Variants in NLRP14 observed in about 807,000 individuals in gnomAD.
NLRP14 encodes NLR family pyrin domain containing 14, also known as NACHT, LRR and PYD domains-containing protein 14.
In NLRP14, 105 loss-of-function variants were observed where a neutral mutation model predicts 94.7. That is an observed-to-expected ratio of 1.11 (90% CI 0.95 to 1.30). The LOEUF (loss-of-function observed/expected upper bound fraction) is 1.30. NLRP14 is among the 50% of genes most tolerant of loss of function. NLRP14 has a pLI of 0.00. For synonymous variants in NLRP14, 508 were observed against 459.9 expected, an observed-to-expected ratio of 1.10 and a Z score of -1.34; for missense variants, 1,362 against 1,254.1, an observed-to-expected ratio of 1.09 and a Z score of -1.30.
At chr11:7,075,026 G>C, downstream of NLRP14, among the ~76,000 whole-genome samples, 1 of 152,136 alleles carries the variant, frequency 6.6e-6, no homozygotes, top group East Asian at 1.9e-4. Flanking sequence ...TTATTGGTGT[G>C]GAGCCTTTTG....
At chr11:7,033,918 A>C (rs1852128782) in intron 1 of NLRP14, among the ~76,000 whole-genome samples, 1 of 152,202 alleles carries the variant, frequency 6.6e-6, no homozygotes, top group Non-Finnish European at 1.5e-5. Flanking sequence ...TGGTGGCAAC[A>C]TGCCATTCAC....
chr11:7,052,370 C>T (rs1826328), intron 6 of NLRP14, among the ~76,000 whole-genome samples: 26,670 of 152,176 alleles, frequency 0.18, 2,933 homozygotes, highest in Non-Finnish European at 0.25. Context: ...TGGTGGCTCA[C>T]GCCTGTAATC....
At chr11:7,039,341 A>G (rs935406210) in intron 2 of NLRP14, among the ~76,000 whole-genome samples, 1 of 144,230 alleles carries the variant, frequency 6.9e-6, no homozygotes, top group Non-Finnish European at 1.5e-5. Flanking sequence ...CCTTACGCGT[A>G]TACAAGGCTT....
At chr11:7,041,340 C>T (rs1343455880) in intron 3 of NLRP14, among the ~76,000 whole-genome samples, 1 of 152,100 alleles carries the variant, frequency 6.6e-6, no homozygotes, top group Non-Finnish European at 1.5e-5. Flanking sequence ...TCCCACTCCC[C>T]ATCCCCAATC....
rs751702909 is a variant in NLRP14 at position 7,043,130 on chromosome 11, C to T, written c.1104C>T (p.Val368=). 4 of 1,614,086 alleles carry T rather than the reference C, an allele frequency of 2.5e-6. No homozygotes were observed. The East Asian group carries it at 6.7e-5, about 27-fold the overall frequency. Residue 368 remains valine (V), a synonymous_variant, in exon 4 of 12, where the codon GTC becomes GTT. Transcript: ENST00000299481. ...SNEMLFSMCQ[V]PLVCWAACTC... is the part of the protein sequence containing the mutation. ...AGATGCTGTTTAGCATGTGCCAAGTCCCCCTAGTGTGCTGGGCCGCTTGTA... is the reference window on the plus strand; with the variant it reads ...AGATGCTGTTTAGCATGTGCCAAGTTCCCCTAGTGTGCTGGGCCGCTTGTA...
intron 5 of NLRP14, among the ~76,000 whole-genome samples, chr11:7,048,517 G>A (rs1421605484): frequency 6.6e-6 from 1 of 152,126 alleles, no homozygotes; most frequent in Admixed American, 6.5e-5. Flanking sequence ...TCTTTTGGGT[G>A]GGGGCTGGGG....
chr11:7,049,589 G>A (rs1456177426), intron 5 of NLRP14, 82 bp from the exon 6 acceptor site: 3 of 968,116 alleles, frequency 3.1e-6, no homozygotes, highest in Admixed American at 1.7e-5. Context: ...TAATATCCAA[G>A]AATTAGATTG....
At chr11:7,081,860 C>G in the NLRP14 span, among the ~76,000 whole-genome samples, 11 of 152,282 alleles carry the variant, frequency 7.2e-5, no homozygotes, top group Non-Finnish European at 1.6e-4. Context: ...AGTGATTAAA[C>G]ACAACCTCTA....
At chr11:7,075,692 A>G (rs1852866952), downstream of NLRP14, among the ~76,000 whole-genome samples, 1 of 152,194 alleles carries the variant, frequency 6.6e-6, no homozygotes, top group African/African-American at 2.4e-5. Flanking sequence ...TTTTGAGGGA[A>G]TATAGTCACT....
chr11:7,021,232 A>T (rs75009792), intron 1 of NLRP14, among the ~76,000 whole-genome samples: 1 of 152,230 alleles, frequency 6.6e-6, no homozygotes, highest in Non-Finnish European at 1.5e-5. Context: ...CAATAATAAT[A>T]GTAACTATGT....
intron 1 of NLRP14, among the ~76,000 whole-genome samples, chr11:7,023,840 G>A (rs1013303289): frequency 6.6e-6 from 1 of 151,950 alleles, no homozygotes; most frequent in African/African-American, 2.4e-5. Flanking sequence ...GCGAGAGAGG[G>A]AGAGTAGGGA....
Position 7,059,914 on chromosome 11 carries a change from C to G in NLRP14, c.2654C>G (p.Thr885Ser), listed in dbSNP as rs1220978132. The change falls in exon 9 of 12, where the codon ACT (threonine) becomes AGT (serine). Residue 885 changes from threonine (T) to serine (S), a missense_variant. Coordinates refer to ENST00000299481, the MANE Select transcript of NLRP14 (RefSeq NM_176822.4). ...KSLVLRRCHF[T>S]SLSSEYLSTS... Reference sequence around the variant, plus strand: ...TGTAGGCTGAGGCGTTGCCATTTCACTTCACTTAGCAGTGAATATCTGTCA... The same window carrying G: ...TGTAGGCTGAGGCGTTGCCATTTCAGTTCACTTAGCAGTGAATATCTGTCA... The G allele has an allele frequency of 6.2e-7, 1 of 1,612,134 alleles. No homozygotes were observed. Among genetic ancestry groups the G allele is most frequent in the Admixed American group, 1.7e-5 (1 of 59,832 alleles).
At chr11:7,068,720 G>A (rs1464130878) in intron 10 of NLRP14, among the ~76,000 whole-genome samples, 1 of 152,186 alleles carries the variant, frequency 6.6e-6, no homozygotes, top group Non-Finnish European at 1.5e-5. Context: ...GCAGTGATGT[G>A]ATCATAGCTC....
intron 10 of NLRP14, among the ~76,000 whole-genome samples, chr11:7,066,801 C>A (rs1852712792): frequency 6.6e-6 from 1 of 152,120 alleles, no homozygotes; most frequent in Non-Finnish European, 1.5e-5. Context: ...CCTAGGTTTT[C>A]TTGCAGGGTT....
chr11:7,090,541 G>A, the NLRP14 span: 3 of 570,732 alleles, frequency 5.3e-6, no homozygotes, highest in East Asian at 3.2e-5. Flanking sequence ...ATATGAACCT[G>A]AGTACTAGTC....
downstream of NLRP14, among the ~76,000 whole-genome samples, chr11:7,072,502 C>T (rs374919792): frequency 2.0e-5 from 3 of 152,368 alleles, no homozygotes; most frequent in South Asian, 4.1e-4. Flanking sequence ...AAGTGTCTCT[C>T]TTGATCCTTG....
intron 1 of NLRP14, among the ~76,000 whole-genome samples, chr11:7,033,441 A>G (rs547691070): frequency 5.4e-4 from 82 of 152,338 alleles, no homozygotes; most frequent in African/African-American, 1.9e-3. Flanking sequence ...TAAGGCAATT[A>G]AGTTGCACTT....
chr11:7,033,083 C>T (rs1174732475), intron 1 of NLRP14, among the ~76,000 whole-genome samples: 1 of 152,142 alleles, frequency 6.6e-6, no homozygotes, highest in East Asian at 1.9e-4. Context: ...TGGCATATAG[C>T]TTCAATCATA....
rs200277092 is a variant in NLRP14 at position 7,058,320 on chromosome 11, C to T, written c.2503C>T (p.Leu835Phe). The change falls in exon 8 of 12, where the codon CTT becomes TTT. Residue 835 changes from leucine to phenylalanine, a missense_variant. Leu to Phe is a conservative substitution (Grantham distance 22). Coordinates refer to ENST00000299481, the MANE Select transcript of NLRP14 (RefSeq NM_176822.4). ...TCTCACAGAGGCTGGCTGTGAGTATCTTTCTTTGGCTCTCATCAGCAATAA... is the reference window on the plus strand; with the variant it reads ...TCTCACAGAGGCTGGCTGTGAGTATTTTTCTTTGGCTCTCATCAGCAATAA... The part of the protein sequence containing the change: ...CGLTEAGCEY[L>F]SLALISNKRL... 6.2e-7 allele frequency: 1 copy of T among 1,612,690 alleles called. No individual in the cohort carries two copies. Among genetic ancestry groups the T allele is most frequent in the East Asian group, 2.2e-5 (1 of 44,838 alleles).
Sources: gnomAD v4.1 joint callset for allele counts (sites outside exome capture counted in the v4.1 genomes callset) on GRCh38, gnomAD v4.1.1 for gene constraint, MANE v1.5 for transcripts, NCBI Gene and HGNC (gene_info 2026-07-23, HGNC 2026-07-21) for gene names.